RPL9: variants seen among roughly 807,000 people sequenced by gnomAD.
The protein encoded by RPL9 is large ribosomal subunit protein uL6.
For missense variants in RPL9, 149 were observed against 236.7 expected (o/e 0.63, Z 2.43); for synonymous variants, 82 against 77.1 (o/e 1.06, Z -0.33).
rs773551284 is a variant in RPL9 at position 39,454,521 on chromosome 4, G to GT, written c.*10+11dup. On this transcript the variant is annotated intron_variant, in intron 7 of 7. Transcript: ENST00000295955. ...GAGCAGTAATAAAACTTAAGACACT[G>GT]TAAGAACTTACCTCTTAGATCTTAT... is the stretch of plus-strand genomic sequence containing the variant. The GT allele has an allele frequency of 1.9e-6, 3 of 1,582,568 alleles. No individual in the cohort carries two copies. The highest frequency in any genetic ancestry group is 2.2e-5 in the East Asian group (1 of 44,640).
rs1467913445 is a variant in RPL9, at chr4:39,457,669, T to C, written c.175A>G (p.Lys59Glu). Reference protein sequence around the residue: ...GKKKKRLRVDKWWGNRKELAT... With the variant: ...GKKKKRLRVDEWWGNRKELAT... Reference sequence around the variant, plus strand: ...AGTTCCTTTCTGTTACCCCACCATTTGTCAACCCGGAGCTGTAACAGAACA... The same window carrying C: ...AGTTCCTTTCTGTTACCCCACCATTCGTCAACCCGGAGCTGTAACAGAACA... Residue 59 changes from lysine (K) to glutamate (E), a missense_variant, in exon 4 of 8, where the codon AAA becomes GAA. Coordinates refer to ENST00000295955, the MANE Select transcript of RPL9 (RefSeq NM_000661.5). 1.2e-6 allele frequency: 2 copies of C among 1,614,026 alleles called. No homozygotes were observed. The highest frequency in any genetic ancestry group is 1.7e-6 in the Non-Finnish European group (2 of 1,179,990).
intron 3 of RPL9, 33 bp downstream of exon 3, chr4:39,458,161 G>A (rs555218372): frequency 8.1e-6 from 13 of 1,604,160 alleles, no homozygotes; most frequent in South Asian, 3.3e-5. Flanking sequence ...ACCTTCCAAC[G>A]AGCAACTGAA....
chr4:39,457,757 T>G, intron 3 of RPL9, 76 bp from the exon 4 acceptor site: 1 of 1,231,756 alleles, frequency 8.1e-7, no homozygotes, highest in Non-Finnish European at 1.2e-6. Flanking sequence ...ACCGAATTAC[T>G]TTAAGATTCT....
chr4:39,456,382 T>C, intron 5 of RPL9, 24 bp downstream of exon 5: 2 of 1,613,896 alleles, frequency 1.2e-6, no homozygotes, highest in Non-Finnish European at 1.7e-6. Context: ...AATTTCTTAA[T>C]TCTGTCTGAG....
At position 39,454,948 on chromosome 4, in the gene RPL9, A is replaced by C; in HGVS notation, c.392-4T>G. The C allele has an allele frequency of 6.2e-7, 1 of 1,612,120 alleles. No homozygotes were observed. The highest frequency in any genetic ancestry group is 2.2e-5 in the East Asian group (1 of 44,862). On this transcript the variant is annotated splice_region_variant and splice_polypyrimidine_tract_variant and intron_variant, in intron 5 of 7. Coordinates refer to ENST00000295955, the MANE Select transcript of RPL9 (RefSeq NM_000661.5). Reference sequence around the variant, plus strand: ...TGAGATACTGAACAAGCAACACCTAAAAGGGGAGAGGGCATTTGCACAGCA... The same window carrying C: ...TGAGATACTGAACAAGCAACACCTACAAGGGGAGAGGGCATTTGCACAGCA...
chr4:39,457,750 G>C, intron 3 of RPL9, 69 bp from the exon 4 acceptor site: 1 of 1,268,492 alleles, frequency 7.9e-7, no homozygotes, highest in Non-Finnish European at 1.2e-6. Context: ...ACCACTTACC[G>C]AATTACTTTA....
rs370458857 is a variant in RPL9, at chr4:39,458,353, C to T, written c.46+41G>A. ...TCGTCAGGCCACACAACGCTTGGAA[C>T]GTGCAGTAAAGATGTAAGTAAAAGA... On this transcript the variant is annotated intron_variant, in intron 2 of 7. Coordinates refer to ENST00000295955, the MANE Select transcript of RPL9 (RefSeq NM_000661.5). The T allele has an allele frequency of 4.0e-5, 64 of 1,613,728 alleles. No homozygotes were observed. The African/African-American group carries it at 7.3e-4, about 18-fold the overall frequency.
At chr4:39,457,704 T>C (rs766279517) in intron 3 of RPL9, 23 bp from the exon 4 acceptor site, 38 of 1,589,218 alleles carry the variant, frequency 2.4e-5, no homozygotes, top group Non-Finnish European at 3.0e-5. Context: ...AAAAAATGTA[T>C]TCTTTCCAGA....
chr4:39,457,567 G>A lies in RPL9; in HGVS notation c.258+19C>T. On this transcript the variant is annotated intron_variant, in intron 4 of 7. Coordinates refer to ENST00000295955, the MANE Select transcript of RPL9 (RefSeq NM_000661.5). Reference sequence around the variant, plus strand: ...AAACCTCCCTTTCCAAAACAAGGAAGTCTGATACATCTGCTTACCAGTGTA... The same window carrying A: ...AAACCTCCCTTTCCAAAACAAGGAAATCTGATACATCTGCTTACCAGTGTA... The A allele has an allele frequency of 1.9e-6, 3 of 1,595,352 alleles. No individual in the cohort carries two copies. The highest frequency in any genetic ancestry group is 1.7e-6 in the Non-Finnish European group (2 of 1,163,164).
chr4:39,458,110 G>A, intron 3 of RPL9, 84 bp downstream of exon 3: 1 of 1,383,826 alleles, frequency 7.2e-7, no homozygotes, highest in South Asian at 1.2e-5. Flanking sequence ...ACCTTAATTC[G>A]AAAATTGTTA....
In RPL9 at chr4:39,454,925, A is replaced by G; in HGVS notation, c.411T>C (p.Ser137=). ...GGATTAATTCATCTTTCTGGGCTTG[A>G]GATACTGAACAAGCAACACCTAAAA... The part of the protein sequence containing the change: ...RMRPGVACSV[S]QAQKDELILE... Residue 137 remains serine (S), a synonymous_variant, in exon 6 of 8, where the codon TCT becomes TCC. Coordinates refer to ENST00000295955, the MANE Select transcript of RPL9 (RefSeq NM_000661.5). 1 of 1,613,948 alleles carries G rather than the reference A, an allele frequency of 6.2e-7. No homozygotes were observed. The highest frequency in any genetic ancestry group is 8.5e-7 in the Non-Finnish European group (1 of 1,179,926).
chr4:39,454,537 T>C lies in RPL9; in HGVS notation c.*6A>G, dbSNP rs780452617. The C allele has an allele frequency of 4.4e-6, 7 of 1,604,156 alleles. No individual in the cohort carries two copies. The East Asian group carries it at 1.6e-4, about 36-fold the overall frequency. On this transcript the variant is annotated 3_prime_UTR_variant, in exon 7 of 8. Coordinates refer to ENST00000295955, the MANE Select transcript of RPL9 (RefSeq NM_000661.5). ...TAAGACACTGTAAGAACTTACCTCT[T>C]AGATCTTATTCATCAGCCTGCTGAA...
chr4:39,458,431 A>G lies in RPL9; in HGVS notation c.9T>C (p.Thr3=). The G allele has an allele frequency of 6.2e-7, 1 of 1,614,250 alleles. No homozygotes were observed. The highest frequency in any genetic ancestry group is 1.1e-5 in the South Asian group (1 of 91,088). The change falls in exon 2 of 8, where the codon ACT becomes ACC. Residue 3 remains threonine (T), a synonymous_variant. Coordinates refer to ENST00000295955, the MANE Select transcript of RPL9 (RefSeq NM_000661.5). MK[T]ILSNQTVDIP... ...TGTCGACAGTCTGATTGCTGAGAAT[A>G]GTCTTCATTCTGAAACACAAACACT...
Position 39,458,246 on chromosome 4 carries a change from T to C in RPL9, c.110A>G (p.Asp37Gly), listed in dbSNP as rs1359805732. Residue 37 changes from aspartate (D) to glycine (G), a missense_variant, in exon 3 of 8, where the codon GAC (aspartate) becomes GGC (glycine). Physicochemically the swap from Asp to Gly is moderately conservative, Grantham distance 94. Coordinates refer to ENST00000295955, the MANE Select transcript of RPL9 (RefSeq NM_000661.5). ...GAGTTCTACATTGATGTGATTGAAG[T>C]CCCTCCGCAGGGTTCCTCTGGGGCC... ...VKGPRGTLRR[D>G]FNHINVELSL... 1.2e-6 allele frequency: 2 copies of C among 1,614,080 alleles called. No individual in the cohort carries two copies. The highest frequency in any genetic ancestry group is 1.7e-6 in the Non-Finnish European group (2 of 1,180,000).
intron 5 of RPL9, chr4:39,455,782 C>T (rs150477847): frequency 1.3e-5 from 2 of 159,142 alleles, no homozygotes; most frequent in African/African-American, 2.4e-5. Context: ...ATAAAAAGCA[C>T]TAAGCTTTAA....
chr4:39,457,702 T>C (rs756011583), intron 3 of RPL9, 21 bp from the exon 4 acceptor site: 1 of 1,593,852 alleles, frequency 6.3e-7, no homozygotes, highest in East Asian at 2.2e-5. Flanking sequence ...ACAAAAAATG[T>C]ATTCTTTCCA....
intron 5 of RPL9, 92 bp from the exon 6 acceptor site, chr4:39,455,036 T>C (rs1744031559): frequency 7.9e-7 from 1 of 1,265,306 alleles, no homozygotes; most frequent in Non-Finnish European, 1.1e-6. Context: ...TAAAACTCCA[T>C]GCACCAAAAG....
chr4:39,454,868 A>T lies in RPL9; in HGVS notation c.468T>A (p.Asn156Lys). The T allele has an allele frequency of 6.2e-7, 1 of 1,613,548 alleles. No individual in the cohort carries two copies. Among genetic ancestry groups the T allele is most frequent in the Non-Finnish European group, 8.5e-7 (1 of 1,179,888 alleles). Residue 156 changes from asparagine (N) to lysine (K), a missense_variant, in exon 6 of 8, where the codon AAT becomes AAA. Physicochemically the swap from Asn to Lys is moderately conservative, Grantham distance 94 (BLOSUM62 0). Transcript: ENST00000295955. ...AGACATAGTAAACATACAAACCTGA[A>T]TTTGAAACAAGCTCAATGTCATTTC... ...LEGNDIELVS[N>K]SAALIQQATT...
chr4:39,454,678 A>C (rs2109853541), intron 6 of RPL9, 29 bp from the exon 7 acceptor site: 1 of 1,581,462 alleles, frequency 6.3e-7, no homozygotes, highest in East Asian at 2.2e-5. Context: ...AGCAATTAAT[A>C]CATCAGCCTA....
Sources: gnomAD v4.1 joint callset for allele counts on GRCh38, gnomAD v4.1.1 for gene constraint, MANE v1.5 for transcripts, NCBI Gene and HGNC (gene_info 2026-07-23, HGNC 2026-07-21) for gene names.